The following STAR variants were observed in gnomAD, a reference collection of about 807,000 sequenced individuals.
STAR encodes steroidogenic acute regulatory protein, also known as steroidogenic acute regulatory protein, mitochondrial.
A neutral mutation model predicts 32.3 loss-of-function variants in STAR; 32 were observed. The ratio of observed to expected loss-of-function variants is 0.99; its 90% CI spans 0.75 to 1.33. The LOEUF (loss-of-function observed/expected upper bound fraction) is 1.33, where lower values mean the gene tolerates loss of function less well. STAR is among the 40% of genes most tolerant of loss of function. The probability of loss-of-function intolerance (pLI) is 0.00; values close to 1 mark genes in which losing one functional copy is unlikely to be tolerated. For missense variants in STAR, 375 were observed against 379.0 expected, an observed-to-expected ratio of 0.99 and a Z score of 0.09; for synonymous variants, 134 against 140.5, an observed-to-expected ratio of 0.95 and a Z score of 0.33.
chr8:38,149,621 C>A (rs1802634370), intron 1 of STAR, among the ~76,000 whole-genome samples: 1 of 152,144 alleles, frequency 6.6e-6, no homozygotes, highest in Non-Finnish European at 1.5e-5. Context: ...GCAAGACTTT[C>A]CTGTGTACCC....
intron 3 of STAR, among the ~76,000 whole-genome samples, chr8:38,147,755 A>T (rs994504894): frequency 6.6e-6 from 1 of 152,082 alleles, no homozygotes; most frequent in Non-Finnish European, 1.5e-5. Flanking sequence ...AGCGCAGAGA[A>T]CCCCAGAAGG....
intron 6 of STAR, chr8:38,144,778 A>G: frequency 1.6e-6 from 1 of 631,386 alleles, no homozygotes; most frequent in Non-Finnish European, 2.3e-6. Flanking sequence ...GCACTTTTGG[A>G]GGCAGGCAGA....
Position 38,148,812 on chromosome 8 carries a change from TC to T in STAR, c.65-59del, listed in dbSNP as rs35520501. On this transcript the variant is annotated intron_variant, in intron 1 of 6. Coordinates refer to ENST00000276449, the MANE Select transcript of STAR (RefSeq NM_000349.3). ...GGAAAGCCCCTTAGAGATGGACCAC[TC>T]CCACCCCCTCATCTTGTCTCAAATG... is the stretch of plus-strand genomic sequence containing the variant. 1 allele frequency: 1,330,911 copies of T among 1,330,922 alleles called. 665,450 individuals carry two copies. Among genetic ancestry groups the T allele is most frequent in the Middle Eastern group, 1 (5,526 of 5,526 alleles). 82.4% of individuals were successfully genotyped at this position (1,330,922 alleles called of 1,614,324 possible).
In STAR at chr8:38,148,676, C is replaced by T. The variant is rs753599000; in HGVS notation, c.143G>A (p.Trp48Ter). Residue 48 changes from tryptophan to a stop codon, truncating the protein, a stop_gained, in exon 2 of 7, where the codon TGG becomes TAG. Coordinates refer to ENST00000276449, the MANE Select transcript of STAR (RefSeq NM_000349.3). LOFTEE classifies it high-confidence loss of function. Reference protein sequence around the residue: ...RALGGPTPSTWINQVRRRSSL... With the variant: ...RALGGPTPST The stretch of plus-strand genomic sequence containing the variant: ...GCTCCGCCGCCGAACCTGGTTAATC[C>T]ACGTGCTAGGGGTGGGGCCCCCCAG... 1.9e-6 allele frequency: 3 copies of T among 1,614,178 alleles called. No homozygotes were observed. The highest frequency in any genetic ancestry group is 2.5e-6 in the Non-Finnish European group (3 of 1,180,050).
chr8:38,150,727 C>T, intron 1 of STAR, 28 bp downstream of exon 1: 1 of 1,604,986 alleles, frequency 6.2e-7, no homozygotes, highest in Non-Finnish European at 8.5e-7. Flanking sequence ...TGGCCAACCC[C>T]TCATCGCCTC....
At chr8:38,145,776 C>CT (rs1174373956) in intron 5 of STAR, 187 bp downstream of exon 5, 7 of 711,416 alleles carry the variant, frequency 9.8e-6, no homozygotes, top group Middle Eastern at 7.9e-4. Context: ...AGCTGTCTGG[C>CT]TGTCCAAGTA....
chr8:38,147,749 C>T (rs1264990786), intron 3 of STAR, among the ~76,000 whole-genome samples: 2 of 152,224 alleles, frequency 1.3e-5, no homozygotes, highest in Non-Finnish European at 2.9e-5. Flanking sequence ...TGCTCAAGCG[C>T]AGAGAACCCC....
intron 1 of STAR, among the ~76,000 whole-genome samples, chr8:38,150,050 C>T (rs1802640333): frequency 6.6e-6 from 1 of 152,038 alleles, no homozygotes; most frequent in East Asian, 1.9e-4. Context: ...GATCGTGCCA[C>T]TGCGCTCCAG....
rs35045158 is a variant in STAR at position 38,143,817 on chromosome 8, G to A, written c.*456C>T. The A allele has an allele frequency of 0.025, 6,317 of 247,794 alleles. 128 individuals are homozygous for A. The highest frequency in any genetic ancestry group is 0.038 in the Non-Finnish European group (4,750 of 124,396). The allele number at this position is 247,794 out of a possible 1,614,324, so 15.3% of individuals were successfully genotyped here. A position where few individuals can be genotyped will look rare whatever the true frequency, so the allele number is the denominator to read the frequency against. On this transcript the variant is annotated 3_prime_UTR_variant, in exon 7 of 7. Transcript: ENST00000276449. ...CTGTGGTGTTGCTGTGCAGCGGCCG[G>A]GAGGAGCAGAGGGCTGCAGGAGACC...
At position 38,145,151 on chromosome 8, in the gene STAR, T is replaced by C; in HGVS notation, c.744+71A>G. The C allele has an allele frequency of 1.9e-6, 3 of 1,608,094 alleles. No homozygotes were observed. In the Admixed American group the frequency reaches 5.0e-5, roughly 27 times the overall value. Reference sequence around the variant, plus strand: ...ATAGAAGAGGATTCTTTCTGCAGCATGGGGGGAATGGGAAGAGCCTGTTTT... The same window carrying C: ...ATAGAAGAGGATTCTTTCTGCAGCACGGGGGGAATGGGAAGAGCCTGTTTT... On this transcript the variant is annotated intron_variant, in intron 6 of 6. Coordinates refer to ENST00000276449, the MANE Select transcript of STAR (RefSeq NM_000349.3).
At position 38,142,960 on chromosome 8, in the gene STAR, T is replaced by C. The variant is rs945385852; in HGVS notation, c.*1313A>G. On this transcript the variant is annotated 3_prime_UTR_variant, in exon 7 of 7. Coordinates refer to ENST00000276449, the MANE Select transcript of STAR (RefSeq NM_000349.3). ...AACAAAGTTGACAGCTGTGGAATTA[T>C]CTTACTACTAATTGGCATCATAAAT... is the stretch of plus-strand genomic sequence containing the variant. Among the ~76,000 whole-genome samples the C allele has an allele frequency of 6.6e-6, 1 of 152,224 alleles. No homozygotes were observed. Among genetic ancestry groups the C allele is most frequent in the Non-Finnish European group, 1.5e-5 (1 of 68,042 alleles).
At chr8:38,145,000 C>T in intron 6 of STAR, 2 of 1,310,724 alleles carry the variant, frequency 1.5e-6, no homozygotes, top group Non-Finnish European at 1.9e-6. Flanking sequence ...CAGAATGAAA[C>T]TGAGTCTCGA....
At chr8:38,144,982 C>T (rs1802538868) in intron 6 of STAR, 1 of 1,335,706 alleles carries the variant, frequency 7.5e-7, no homozygotes. Flanking sequence ...GTACTCCAGC[C>T]TGAGTGACAG....
rs907890254 is a variant in STAR at position 38,144,154 on chromosome 8, C to G, written c.*119G>C. The stretch of plus-strand genomic sequence containing the variant: ...CTAGTGTCATACTCTAAACACGAAC[C>G]CCACCCATCCCACTGTCACCAGATG... On this transcript the variant is annotated 3_prime_UTR_variant, in exon 7 of 7. Transcript: ENST00000276449. 11 of 1,081,746 alleles carry G rather than the reference C, an allele frequency of 1.0e-5. No individual in the cohort carries two copies. The highest frequency in any genetic ancestry group is 1.5e-5 in the Non-Finnish European group (11 of 733,466). The allele number at this position is 1,081,746 out of a possible 1,614,324, so 67.0% of individuals were successfully genotyped here.
At chr8:38,148,433 T>TA in intron 2 of STAR, 106 bp from the exon 3 acceptor site, 1 of 1,557,986 alleles carries the variant, frequency 6.4e-7, no homozygotes, top group Non-Finnish European at 8.7e-7. Context: ...GAGCCCGGAC[T>TA]AAAGCCATAG....
rs1351651747 is a variant in STAR, at chr8:38,143,370, A to G, written c.*903T>C. On this transcript the variant is annotated 3_prime_UTR_variant, in exon 7 of 7. Coordinates refer to ENST00000276449, the MANE Select transcript of STAR (RefSeq NM_000349.3). Reference sequence around the variant, plus strand: ...CGCCCACGCTGGAGCGCAGTGGCACAATCTCGGCCCACTACAACCTCCGCC... The same window carrying G: ...CGCCCACGCTGGAGCGCAGTGGCACGATCTCGGCCCACTACAACCTCCGCC... Among the ~76,000 whole-genome samples the G allele has an allele frequency of 2.0e-5, 3 of 150,366 alleles. No individual in the cohort carries two copies. The highest frequency in any genetic ancestry group is 7.3e-5 in the African/African-American group (3 of 40,844).
intron 6 of STAR, 121 bp from the exon 7 acceptor site, chr8:38,144,507 C>T: frequency 1.3e-6 from 2 of 1,520,362 alleles, no homozygotes; most frequent in African/African-American, 1.4e-5. Flanking sequence ...TAGGTGCAGC[C>T]TTGGAGTTGC....
At position 38,144,362 on chromosome 8, in the gene STAR, T is replaced by A. The variant is rs745510891; in HGVS notation, c.769A>T (p.Asn257Tyr). The A allele has an allele frequency of 1.2e-6, 2 of 1,605,098 alleles. No homozygotes were observed. The highest frequency in any genetic ancestry group is 2.7e-5 in the African/African-American group (2 of 74,700). ...LKGWLPKSII[N>Y]QVLSQTQVDF... ...ACCTGGGTCTGGGACAGGACCTGGT[T>A]GATGATGCTCTTGGGCAGCCACCCC... is the stretch of plus-strand genomic sequence containing the variant. The change falls in exon 7 of 7, where the codon AAC (asparagine) becomes TAC (tyrosine). Residue 257 changes from asparagine (N) to tyrosine (Y), a missense_variant. By Grantham distance (143) the Asn-to-Tyr change is moderately radical. Coordinates refer to ENST00000276449, the MANE Select transcript of STAR (RefSeq NM_000349.3).
chr8:38,145,198 A>T, intron 6 of STAR, 24 bp downstream of exon 6: 1 of 1,613,986 alleles, frequency 6.2e-7, no homozygotes, highest in Non-Finnish European at 8.5e-7. Flanking sequence ...CCTGCCTTCC[A>T]GGTCCCCCTC....
Sources: gnomAD v4.1 joint callset for allele counts (sites outside exome capture counted in the v4.1 genomes callset) on GRCh38, gnomAD v4.1.1 for gene constraint, MANE v1.5 for transcripts, NCBI Gene and HGNC (gene_info 2026-07-23, HGNC 2026-07-21) for gene names.